Variants in FBH1 observed in about 807,000 individuals in gnomAD.
The protein encoded by FBH1 is DNA 3'-5' helicase 1.
FBH1 carries 43 observed loss-of-function variants against 115.5 expected under a neutral mutation model. The ratio of observed to expected loss-of-function variants is 0.37; its 90% CI spans 0.29 to 0.48. FBH1 has a LOEUF of 0.48. Ranked by LOEUF, FBH1 falls within the 20% of genes least tolerant of loss-of-function variation. The probability of loss-of-function intolerance (pLI) is 0.99; values close to 1 mark genes in which losing one functional copy is unlikely to be tolerated. For synonymous variants in FBH1, 524 were observed against 507.8 expected, an observed-to-expected ratio of 1.03 and a Z score of -0.43; for missense variants, 1,001 against 1,337.3, an observed-to-expected ratio of 0.75 and a Z score of 3.92.
In FBH1 at chr10:5,936,738, G is replaced by T; in HGVS notation, c.2961+151G>T. The T allele has an allele frequency of 9.6e-7, 1 of 1,038,062 alleles. No homozygotes were observed. Among genetic ancestry groups the T allele is most frequent in the South Asian group, 1.5e-5 (1 of 65,342 alleles). The allele number at this position is 1,038,062 out of a possible 1,614,324, so 64.3% of individuals were successfully genotyped here. ...ATATGAGAGGCACAAGAGGTGTGTG[G>T]TCTGTCCCAGGGTCAGAGGTCAGGG... is the stretch of plus-strand genomic sequence containing the variant. On this transcript the variant is annotated intron_variant, in intron 20 of 20. Coordinates refer to ENST00000362091, the MANE Select transcript of FBH1 (RefSeq NM_178150.3). This position sits in a 1 kb window ranked among gnomAD's most constrained non-coding sequence, Gnocchi z 5.6.
Position 5,924,029 on chromosome 10 carries a change from C to G in FBH1, c.2399-282C>G, listed in dbSNP as rs1438413558. ...GTGATAGCGTCGAGCATTTCTATAG[C>G]GCTTTTCTTTTCCTGTTGACTGCAC... On this transcript the variant is annotated intron_variant, in intron 16 of 20. Transcript: ENST00000362091. This position sits in a 1 kb window ranked among gnomAD's most constrained non-coding sequence, Gnocchi z 6.2. 3.5e-6 allele frequency: 2 copies of G among 566,506 alleles called. No individual in the cohort carries two copies. Among genetic ancestry groups the G allele is most frequent in the Non-Finnish European group, 6.3e-6 (2 of 318,096 alleles). 35.1% of individuals were successfully genotyped at this position (566,506 alleles called of 1,614,324 possible). A position where few individuals can be genotyped will look rare whatever the true frequency, so the allele number is the denominator to read the frequency against.
Position 5,916,463 on chromosome 10 carries a change from G to A in FBH1, c.1788+7G>A, listed in dbSNP as rs1831941804. The A allele has an allele frequency of 2.5e-6, 4 of 1,610,070 alleles. No homozygotes were observed. Among genetic ancestry groups the A allele is most frequent in the African/African-American group, 2.7e-5 (2 of 74,370 alleles). ...TGAGCAGAGTGAAAAACTGGTGAGTGTCTAAGTGTCTGAAGTGTTAGGGAT... is the reference window on the plus strand; with the variant it reads ...TGAGCAGAGTGAAAAACTGGTGAGTATCTAAGTGTCTGAAGTGTTAGGGAT... On this transcript the variant is annotated splice_region_variant and intron_variant, in intron 10 of 20. Transcript: ENST00000362091.
At position 5,906,163 on chromosome 10, in the gene FBH1, T is replaced by C; in HGVS notation, c.284T>C (p.Phe95Ser). The C allele has an allele frequency of 1.2e-6, 2 of 1,614,186 alleles. No individual in the cohort carries two copies. Among genetic ancestry groups the C allele is most frequent in the Non-Finnish European group, 1.7e-6 (2 of 1,180,020 alleles). The change falls in exon 3 of 21, where the codon TTT becomes TCT. Residue 95 changes from phenylalanine (F) to serine (S), a missense_variant. Physicochemically the swap from Phe to Ser is radical, Grantham distance 155 (BLOSUM62 -2). Coordinates refer to ENST00000362091, the MANE Select transcript of FBH1 (RefSeq NM_178150.3). The surrounding 1 kb of genome is among the most constrained non-coding windows in gnomAD (Gnocchi z 7.3). Reference protein sequence around the residue: ...SCQDSEGDMIFPAESSCALPQ... With the variant: ...SCQDSEGDMISPAESSCALPQ... ...CAGGACTCTGAGGGTGACATGATCT[T>C]TCCTGCAGAGAGCAGCTGTGCACTG...
At chr10:5,889,855 A>G (rs1043292239), upstream of FBH1, 10 of 156,764 alleles carry the variant, frequency 6.4e-5, no homozygotes, top group African/African-American at 2.4e-4. Flanking sequence ...AGCCAGGCCC[A>G]AGCGTGACCT....
At position 5,906,356 on chromosome 10, in the gene FBH1, T is replaced by C; in HGVS notation, c.477T>C (p.Pro159=). Residue 159 remains proline, a synonymous_variant, in exon 3 of 21, where the codon CCT becomes CCC. Coordinates refer to ENST00000362091, the MANE Select transcript of FBH1 (RefSeq NM_178150.3). The surrounding 1 kb of genome is among the most constrained non-coding windows in gnomAD (Gnocchi z 7.3). ...ATTTGTCTGTGCCATGCACAAGGCC[T>C]AGGGAGGCCAGGCAAGAAGCAGAGG... The part of the protein sequence containing the change: ...RHHLSVPCTR[P]REARQEAEDS... 6.2e-7 allele frequency: 1 copy of C among 1,614,218 alleles called. No individual in the cohort carries two copies. Among genetic ancestry groups the C allele is most frequent in the Non-Finnish European group, 8.5e-7 (1 of 1,180,016 alleles).
intron 1 of FBH1, among the ~76,000 whole-genome samples, chr10:5,898,978 G>A (rs1041094456): frequency 6.6e-6 from 1 of 152,186 alleles, no homozygotes; most frequent in Non-Finnish European, 1.5e-5. Flanking sequence ...GGCTGCAGAA[G>A]GCTTCGATAA....
Position 5,906,188 on chromosome 10 carries a change from GCCTCAGGA to G in FBH1, c.310_317del (p.Pro104ArgfsTer22). The G allele has an allele frequency of 1.2e-6, 2 of 1,614,118 alleles. No homozygotes were observed. The highest frequency in any genetic ancestry group is 1.7e-6 in the Non-Finnish European group (2 of 1,180,016). Reference sequence around the variant, plus strand: ...TTCCTGCAGAGAGCAGCTGTGCACTGCCTCAGGAAGGCAGTGCAGGGCCGGGCTCACCA... The same window carrying G: ...TTCCTGCAGAGAGCAGCTGTGCACTGAGGCAGTGCAGGGCCGGGCTCACCA... On this transcript the variant is annotated frameshift_variant, in exon 3 of 21. Transcript: ENST00000362091. LOFTEE classifies it high-confidence loss of function. The surrounding 1 kb of genome is among the most constrained non-coding windows in gnomAD (Gnocchi z 7.3).
Position 5,913,937 on chromosome 10 carries a change from G to A in FBH1, c.1304+98G>A. 1.0e-6 allele frequency: 1 copy of A among 976,752 alleles called. No homozygotes were observed. Among genetic ancestry groups the A allele is most frequent in the Non-Finnish European group, 1.6e-6 (1 of 637,824 alleles). 60.5% of individuals were successfully genotyped at this position (976,752 alleles called of 1,614,324 possible). A position where few individuals can be genotyped will look rare whatever the true frequency, so the allele number is the denominator to read the frequency against. On this transcript the variant is annotated intron_variant, in intron 7 of 20. Transcript: ENST00000362091. The surrounding 1 kb of genome is among the most constrained non-coding windows in gnomAD (Gnocchi z 4.4). ...TTTGCTTCACTTTAGCAACATCATT[G>A]AGGTTAATAATGTAAATTGTGTAAA... is the stretch of plus-strand genomic sequence containing the variant.
chr10:5,915,295 C>A lies in FBH1; in HGVS notation c.1397-108C>A, dbSNP rs1831856394. The A allele has an allele frequency of 1.7e-6, 2 of 1,171,586 alleles. No individual in the cohort carries two copies. Among genetic ancestry groups the A allele is most frequent in the Admixed American group, 2.5e-5 (1 of 40,086 alleles). 72.6% of individuals were successfully genotyped at this position (1,171,586 alleles called of 1,614,324 possible). On this transcript the variant is annotated intron_variant, in intron 8 of 20. Coordinates refer to ENST00000362091, the MANE Select transcript of FBH1 (RefSeq NM_178150.3). The surrounding 1 kb of genome is among the most constrained non-coding windows in gnomAD (Gnocchi z 5.2). ...CAGCACTGAAAAACTTGTTACTGTC[C>A]TGCTCTCAAGACAGAGGTGTGATAA...
chr10:5,919,041 A>G (rs1564453737), intron 13 of FBH1, among the ~76,000 whole-genome samples: 1 of 152,236 alleles, frequency 6.6e-6, no homozygotes, highest in Non-Finnish European at 1.5e-5. Context: ...TCAGCAGGCA[A>G]TGCAGATGTG....
Position 5,914,509 on chromosome 10 carries a change from C to T in FBH1, c.1396+240C>T, listed in dbSNP as rs56189718. ...AGGTAGTTCACAGCAGTTAGTTGGT[C>T]GGGCAGATGCCCCCGGGATTGAGCC... is the stretch of plus-strand genomic sequence containing the variant. On this transcript the variant is annotated intron_variant, in intron 8 of 20. Transcript: ENST00000362091. The surrounding 1 kb of genome is among the most constrained non-coding windows in gnomAD (Gnocchi z 5.2). 5.1e-4 allele frequency among the ~76,000 whole-genome samples: 78 copies of T among 152,344 alleles called. No individual in the cohort carries two copies. The highest frequency in any genetic ancestry group is 1.8e-3 in the African/African-American group (73 of 41,576).
Position 5,911,087 on chromosome 10 carries a change from T to G in FBH1, c.1170T>G (p.Leu390=). The change falls in exon 6 of 21, where the codon CTT becomes CTG. Residue 390 remains leucine, a synonymous_variant. Coordinates refer to ENST00000362091, the MANE Select transcript of FBH1 (RefSeq NM_178150.3). This position sits in a 1 kb window ranked among gnomAD's most constrained non-coding sequence, Gnocchi z 5.4. ...VTETLYCIAV[L]LYAMREKGIN... The stretch of plus-strand genomic sequence containing the variant: ...AGACCCTGTACTGCATAGCCGTGCT[T>G]CTCTACGCCATGAGGGAGAAGGGGA... 1 of 1,613,296 alleles carries G rather than the reference T, an allele frequency of 6.2e-7. No individual in the cohort carries two copies. The highest frequency in any genetic ancestry group is 1.1e-5 in the South Asian group (1 of 91,056).
Position 5,936,400 on chromosome 10 carries a change from A to G in FBH1, c.2830-56A>G. 1.3e-6 allele frequency: 2 copies of G among 1,596,004 alleles called. No homozygotes were observed. Among genetic ancestry groups the G allele is most frequent in the Non-Finnish European group, 1.7e-6 (2 of 1,169,660 alleles). On this transcript the variant is annotated intron_variant, in intron 19 of 20. Transcript: ENST00000362091. The surrounding 1 kb of genome is among the most constrained non-coding windows in gnomAD (Gnocchi z 5.6). ...CAGAGCCGCCGCTATCAGTGTTTCC[A>G]GTAGACCCTAACGGAGGTGTCGCCA...
rs1285012322 is a variant in FBH1, at chr10:5,911,471, T to C, written c.1211+343T>C. On this transcript the variant is annotated intron_variant, in intron 6 of 20. Coordinates refer to ENST00000362091, the MANE Select transcript of FBH1 (RefSeq NM_178150.3). This position sits in a 1 kb window ranked among gnomAD's most constrained non-coding sequence, Gnocchi z 5.4. ...TCCCTAGGAAAATGTTAGGCTCTAC[T>C]TCCTCCATATCCCACTTGTGGGATG... is the stretch of plus-strand genomic sequence containing the variant. Among the ~76,000 whole-genome samples, 4 of 152,256 alleles carry C rather than the reference T, an allele frequency of 2.6e-5. No homozygotes were observed. Among genetic ancestry groups the C allele is most frequent in the Non-Finnish European group, 5.9e-5 (4 of 68,044 alleles).
chr10:5,922,089 C>T (rs1462521773), intron 15 of FBH1, among the ~76,000 whole-genome samples: 2 of 152,190 alleles, frequency 1.3e-5, no homozygotes, highest in African/African-American at 4.8e-5. Context: ...ATTTTTAACC[C>T]TGAAGCACAG....
Position 5,906,232 on chromosome 10 carries a change from C to G in FBH1, c.353C>G (p.Pro118Arg). 1 of 1,614,210 alleles carries G rather than the reference C, an allele frequency of 6.2e-7. No individual in the cohort carries two copies. Among genetic ancestry groups the G allele is most frequent in the Non-Finnish European group, 8.5e-7 (1 of 1,180,042 alleles). Residue 118 changes from proline to arginine, a missense_variant, in exon 3 of 21, where the codon CCG (proline) becomes CGG (arginine). Physicochemically the swap from Pro to Arg is moderately radical, Grantham distance 103 (BLOSUM62 -2). Coordinates refer to ENST00000362091, the MANE Select transcript of FBH1 (RefSeq NM_178150.3). The surrounding 1 kb of genome is among the most constrained non-coding windows in gnomAD (Gnocchi z 7.3). ...SAGPGSPGSA[P>R]PSRKRSWSSE... ...GGGCCGGGCTCACCAGGGTCTGCCC[C>G]GCCCTCCAGGAAGCGGTCTTGGTCC... is the stretch of plus-strand genomic sequence containing the variant.
At position 5,937,320 on chromosome 10, in the gene FBH1, C is replaced by T. The variant is rs201627258; in HGVS notation, c.*40C>T. On this transcript the variant is annotated 3_prime_UTR_variant, in exon 21 of 21. Transcript: ENST00000362091. ...TTCTCCGCAGTGCAGAGCAGCTTGC[C>T]GAGGACCCCGCGTGAAGAAAGCCAG... The T allele has an allele frequency of 8.7e-5, 127 of 1,462,618 alleles. No homozygotes were observed. In the African/African-American group the frequency reaches 1.6e-3, roughly 19 times the overall value. 90.6% of individuals were successfully genotyped at this position (1,462,618 alleles called of 1,614,324 possible).
chr10:5,889,620 G>A, upstream of FBH1: 1 of 213,142 alleles, frequency 4.7e-6, no homozygotes, highest in Admixed American at 5.8e-5. Context: ...CCGGGCACGG[G>A]GCGGTTTTTC....
rs1831536556 is a variant in FBH1, at chr10:5,910,806, T to C, written c.1021-132T>C. 1.4e-6 allele frequency: 1 copy of C among 713,404 alleles called. No homozygotes were observed. Among genetic ancestry groups the C allele is most frequent in the African/African-American group, 1.8e-5 (1 of 55,882 alleles). The allele number at this position is 713,404 out of a possible 1,614,324, so 44.2% of individuals were successfully genotyped here. ...GTTTCCCAAATACAACTTGGAAAGT[T>C]TGGATTCAGTCCAGACAGTCTGTAG... is the stretch of plus-strand genomic sequence containing the variant. On this transcript the variant is annotated intron_variant, in intron 5 of 20. Transcript: ENST00000362091. The surrounding 1 kb of genome is among the most constrained non-coding windows in gnomAD (Gnocchi z 4.8).
Sources: allele counts gnomAD v4.1 joint callset (sites outside exome capture counted in the v4.1 genomes callset), GRCh38; gene constraint gnomAD v4.1.1; non-coding constraint Gnocchi (gnomAD v3.1); transcripts MANE v1.5; gene names NCBI Gene and HGNC (gene_info 2026-07-23, HGNC 2026-07-21).